NDUFA9: variants seen among roughly 807,000 people sequenced by gnomAD.
The protein encoded by NDUFA9 is NADH:ubiquinone oxidoreductase subunit A9, also known as NADH dehydrogenase [ubiquinone] 1 alpha subcomplex subunit 9, mitochondrial.
Under a neutral mutation model 45.9 loss-of-function variants are expected in NDUFA9, and 23 were observed. The observed-to-expected ratio is 0.50, with a 90% confidence interval of 0.36 to 0.71. NDUFA9 has a LOEUF of 0.71. NDUFA9 is among the 30% of genes least tolerant of loss of function. NDUFA9 has a pLI of 0.00. For missense variants in NDUFA9, 466 were observed against 488.2 expected, an observed-to-expected ratio of 0.95 and a Z score of 0.43; for synonymous variants, 176 against 170.5, an observed-to-expected ratio of 1.03 and a Z score of -0.25.
At position 4,661,172 on chromosome 12, in the gene NDUFA9, A is replaced by G. The variant is rs574157098; in HGVS notation, c.553-1361A>G. Among the ~76,000 whole-genome samples, 6 of 152,268 alleles carry G rather than the reference A, an allele frequency of 3.9e-5. No homozygotes were observed. The East Asian group carries it at 1.2e-3, about 29-fold the overall frequency. On this transcript the variant is annotated intron_variant, in intron 5 of 10. Transcript: ENST00000266544. ...AGTGGCACTGTTCCTCCCATCAGGT[A>G]AGAGAGGAGGAGAAAATTGTGCTTT...
Position 4,689,986 on chromosome 12 carries a change from A to G in NDUFA9, c.*2878A>G, listed in dbSNP as rs1283961816. 1 of 152,816 alleles carries G rather than the reference A, an allele frequency of 6.5e-6. No individual in the cohort carries two copies. The highest frequency in any genetic ancestry group is 2.4e-5 in the African/African-American group (1 of 41,448). The allele number at this position is 152,816 out of a possible 1,614,324, so 9.5% of individuals were successfully genotyped here. ...ACTAAGGAAACAATTTTACCATCCT[A>G]AGCTAGTGGATGTCACCCTCTCAGT... On this transcript the variant is annotated 3_prime_UTR_variant, in exon 11 of 11. Transcript: ENST00000266544.
chr12:4,662,439 T>G, intron 5 of NDUFA9, 94 bp from the exon 6 acceptor site: 1 of 928,936 alleles, frequency 1.1e-6, no homozygotes, highest in Non-Finnish European at 1.7e-6. Flanking sequence ...AAATATCGCC[T>G]TTGAAATACA....
chr12:4,656,255 A>T (rs1049373984), intron 3 of NDUFA9, among the ~76,000 whole-genome samples: 1 of 152,208 alleles, frequency 6.6e-6, no homozygotes, highest in African/African-American at 2.4e-5. Flanking sequence ...AAATCTTACT[A>T]TTAAGTATAT....
intron 1 of NDUFA9, 26 bp from the exon 2 acceptor site, chr12:4,654,266 T>C (rs768601855): frequency 2.8e-5 from 45 of 1,596,222 alleles, no homozygotes; most frequent in Middle Eastern, 1.7e-4. Context: ...TTTGCCATGC[T>C]TGTATACTTT....
chr12:4,657,889 T>G (rs773196470), intron 4 of NDUFA9, 50 bp downstream of exon 4: 1 of 1,391,124 alleles, frequency 7.2e-7, no homozygotes, highest in Admixed American at 1.7e-5. Flanking sequence ...TCTTAGGGTT[T>G]AATGGACCTT....
In NDUFA9 at chr12:4,687,052, C is replaced by T. The variant is rs3210083; in HGVS notation, c.1078C>T (p.Arg360Cys). The change falls in exon 11 of 11, where the codon CGC (arginine) becomes TGC (cysteine). Residue 360 changes from arginine (R) to cysteine (C), a missense_variant. Physicochemically the swap from Arg to Cys is radical, Grantham distance 180. Coordinates refer to ENST00000266544, the MANE Select transcript of NDUFA9 (RefSeq NM_005002.5). ...GGTGCTGCGGCGTCATCGCACTTAC[C>T]GCTGGCTGTCTGCTGAAATTGAGGA... ...IEVLRRHRTYRWLSAEIEDVK... is the reference protein window; with the variant it reads ...IEVLRRHRTYCWLSAEIEDVK... 9.3e-6 allele frequency: 15 copies of T among 1,614,180 alleles called. No individual in the cohort carries two copies. The highest frequency in any genetic ancestry group is 4.5e-5 in the East Asian group (2 of 44,882).
chr12:4,669,108 T>C (rs1235582879), intron 7 of NDUFA9, among the ~76,000 whole-genome samples: 2 of 152,200 alleles, frequency 1.3e-5, no homozygotes, highest in African/African-American at 2.4e-5. Context: ...AGTGGCACTA[T>C]TGACATTTTG....
At position 4,661,705 on chromosome 12, in the gene NDUFA9, T is replaced by C. The variant is rs773962667; in HGVS notation, c.553-828T>C. On this transcript the variant is annotated intron_variant, in intron 5 of 10. Transcript: ENST00000266544. ...GTTGATACAGGGGAAGCAGAATCAG[T>C]GCACTAGAGTTCTTGAGAAGGTTGA... Among the ~76,000 whole-genome samples, 13 of 86,326 alleles carry C rather than the reference T, an allele frequency of 1.5e-4. 1 individual carries two copies. Among genetic ancestry groups the C allele is most frequent in the East Asian group, 2.8e-4 (1 of 3,576 alleles). The allele number at this position is 86,326 out of a possible 152,430, so 56.6% of individuals were successfully genotyped here.
At chr12:4,649,203 T>A in intron 1 of NDUFA9, 28 bp downstream of exon 1, 1 of 1,593,156 alleles carries the variant, frequency 6.3e-7, no homozygotes, top group South Asian at 1.1e-5. Context: ...CGGCGGCCCC[T>A]GGTCGGGATT....
chr12:4,682,162 G>T, intron 8 of NDUFA9, 43 bp from the exon 9 acceptor site: 1 of 1,413,906 alleles, frequency 7.1e-7, no homozygotes, highest in South Asian at 1.3e-5. Context: ...GAAACTTTGT[G>T]AGAAGCGTGT....
At chr12:4,654,226 T>G in intron 1 of NDUFA9, 66 bp from the exon 2 acceptor site, 1 of 1,452,646 alleles carries the variant, frequency 6.9e-7, no homozygotes, top group Non-Finnish European at 9.4e-7. Context: ...AAAGGAGCTA[T>G]TTGTGTTGAC....
At chr12:4,666,139 T>C (rs761221453) in intron 6 of NDUFA9, among the ~76,000 whole-genome samples, 1 of 152,210 alleles carries the variant, frequency 6.6e-6, no homozygotes, top group African/African-American at 2.4e-5. Context: ...TCCTAATGAT[T>C]AGTGATGTTG....
Position 4,689,966 on chromosome 12 carries a change from G to T in NDUFA9, c.*2858G>T. 6.5e-6 allele frequency: 1 copy of T among 153,260 alleles called. No homozygotes were observed. Among genetic ancestry groups the T allele is most frequent in the Non-Finnish European group, 1.5e-5 (1 of 68,790 alleles). 9.5% of individuals were successfully genotyped at this position (153,260 alleles called of 1,614,324 possible). ...ACACTGAAGCCGTAGCATTGACTAAGGAAACAATTTTACCATCCTAAGCTA... is the reference window on the plus strand; with the variant it reads ...ACACTGAAGCCGTAGCATTGACTAATGAAACAATTTTACCATCCTAAGCTA... On this transcript the variant is annotated 3_prime_UTR_variant, in exon 11 of 11. Coordinates refer to ENST00000266544, the MANE Select transcript of NDUFA9 (RefSeq NM_005002.5).
chr12:4,693,613 A>G lies in NDUFA9; in HGVS notation c.*6505A>G, dbSNP rs1384105428. 1 of 152,222 alleles carries G rather than the reference A, an allele frequency of 6.6e-6. No homozygotes were observed. The allele number at this position is 152,222 out of a possible 1,614,324, so 9.4% of individuals were successfully genotyped here. ...TAAAGCTGAATCTGGTTCTACTTTC[A>G]GGAGAGTGATGGTTTGAGATGGTAA... is the stretch of plus-strand genomic sequence containing the variant. On this transcript the variant is annotated 3_prime_UTR_variant, in exon 11 of 11. Coordinates refer to ENST00000266544, the MANE Select transcript of NDUFA9 (RefSeq NM_005002.5).
intron 1 of NDUFA9, among the ~76,000 whole-genome samples, chr12:4,651,624 G>A (rs10744657): frequency 0.98 from 149,215 of 152,294 alleles, 73,178 homozygotes; most frequent in Middle Eastern, 1. Flanking sequence ...AATGTGCTAC[G>A]TGGTTTATGT....
intron 8 of NDUFA9, among the ~76,000 whole-genome samples, chr12:4,671,310 A>G (rs1022619747): frequency 1.3e-5 from 2 of 152,228 alleles, no homozygotes; most frequent in Non-Finnish European, 2.9e-5. Flanking sequence ...CAAAATCACG[A>G]TGTATAAGAT....
At chr12:4,659,224 C>T in intron 5 of NDUFA9, 47 bp downstream of exon 5, 2 of 1,525,642 alleles carry the variant, frequency 1.3e-6, no homozygotes, top group Non-Finnish European at 1.8e-6. Flanking sequence ...GCCAGAGTTT[C>T]TTGGGCCATT....
chr12:4,681,957 C>T (rs1017985578), intron 8 of NDUFA9, among the ~76,000 whole-genome samples: 8 of 151,842 alleles, frequency 5.3e-5, no homozygotes, highest in African/African-American at 1.5e-4. Context: ...AAAGACATTA[C>T]GGAATAGAAT....
In NDUFA9 at chr12:4,652,485, T is replaced by C. The variant is rs553461028; in HGVS notation, c.50-1807T>C. 3.5e-3 allele frequency among the ~76,000 whole-genome samples: 529 copies of C among 152,340 alleles called. 2 individuals are homozygous for C. The highest frequency in any genetic ancestry group is 0.012 in the African/African-American group (508 of 41,570). On this transcript the variant is annotated intron_variant, in intron 1 of 10. Transcript: ENST00000266544. ...CACTAATCCAATAAAATTGCTCTTA[T>C]TTATGCCACCTACAGCCACATCCTC...
Sources: gnomAD v4.1 joint callset for allele counts (sites outside exome capture counted in the v4.1 genomes callset) on GRCh38, gnomAD v4.1.1 for gene constraint, MANE v1.5 for transcripts, NCBI Gene and HGNC (gene_info 2026-07-23, HGNC 2026-07-21) for gene names.